The following CTNND2 variants were observed in gnomAD, a reference collection of about 807,000 sequenced individuals.
CTNND2 encodes the protein catenin delta-2.
Under a neutral mutation model 144.4 loss-of-function variants are expected in CTNND2, and 22 were observed. That is an observed-to-expected ratio of 0.15 (90% confidence interval 0.11 to 0.22). The LOEUF is 0.22. CTNND2 is among the 10% of genes least tolerant of loss of function. CTNND2 has a pLI of 1.00. For synonymous variants in CTNND2, 751 were observed against 695.6 expected (o/e 1.08, Z -1.25); for missense variants, 1,353 against 1,618.8 (o/e 0.84, Z 2.82).
At chr5:11,825,229 C>T (rs4590180) in intron 1 of CTNND2, among the ~76,000 whole-genome samples, 26,400 of 151,770 alleles carry the variant, frequency 0.17, 5,442 homozygotes, top group African/African-American at 0.5. Context: ...GGAACACGCA[C>T]AAAGTGATGG....
chr5:11,426,483 C>G (rs1288374070), intron 3 of CTNND2, among the ~76,000 whole-genome samples: 3 of 152,196 alleles, frequency 2.0e-5, no homozygotes, highest in Admixed American at 6.5e-5. Context: ...CGAGTGAAAT[C>G]TGACAGGTCA....
At chr5:11,584,418 T>G (rs1471814076) in intron 2 of CTNND2, among the ~76,000 whole-genome samples, 4 of 32,742 alleles carry the variant, frequency 1.2e-4, no homozygotes, top group African/African-American at 3.9e-4. Flanking sequence ...TATATATATA[T>G]TTTTTTTGGG....
At chr5:11,435,133 A>ATTT (rs1464378404) in intron 3 of CTNND2, among the ~76,000 whole-genome samples, 10 of 150,084 alleles carry the variant, frequency 6.7e-5, no homozygotes, top group African/African-American at 2.4e-4. Flanking sequence ...TTATTTATTT[A>ATTT]TTTATTTATT....
chr5:11,198,005 G>C (rs750773713), intron 11 of CTNND2, among the ~76,000 whole-genome samples: 1 of 152,186 alleles, frequency 6.6e-6, no homozygotes, highest in African/African-American at 2.4e-5. Context: ...TCATGTATCT[G>C]TTGGTGGAGT....
chr5:11,337,857 C>T (rs1753879642), intron 9 of CTNND2, among the ~76,000 whole-genome samples: 1 of 152,036 alleles, frequency 6.6e-6, no homozygotes, highest in African/African-American at 2.4e-5. Flanking sequence ...CTCCAATAAG[C>T]TTATTTTGTA....
At chr5:11,001,742 T>A (rs1452181203) in intron 18 of CTNND2, among the ~76,000 whole-genome samples, 1 of 152,216 alleles carries the variant, frequency 6.6e-6, no homozygotes, top group Non-Finnish European at 1.5e-5. Flanking sequence ...CTAAAGGTAG[T>A]GTTAGCTTAG....
chr5:11,328,776 T>C (rs1752792062), intron 9 of CTNND2, among the ~76,000 whole-genome samples: 1 of 152,202 alleles, frequency 6.6e-6, no homozygotes, highest in Admixed American at 6.5e-5. Flanking sequence ...GCTATGGGAA[T>C]TCCCACTGAC....
At chr5:11,094,350 T>C (rs1205918950) in intron 15 of CTNND2, among the ~76,000 whole-genome samples, 5 of 152,122 alleles carry the variant, frequency 3.3e-5, no homozygotes, top group African/African-American at 7.2e-5. Flanking sequence ...CATTAAATGG[T>C]CTCTGACAGT....
chr5:11,181,649 G>A (rs35701642), intron 11 of CTNND2, among the ~76,000 whole-genome samples: 4,064 of 151,998 alleles, frequency 0.027, 100 homozygotes, highest in Non-Finnish European at 0.036. Context: ...AGGAGGCTCC[G>A]TGTGTATGTG....
intron 9 of CTNND2, among the ~76,000 whole-genome samples, chr5:11,283,813 C>G (rs923356741): frequency 6.7e-6 from 1 of 150,324 alleles, no homozygotes; most frequent in East Asian, 2.0e-4. Flanking sequence ...GTAAATCACA[C>G]GTTAAATTTT....
At chr5:11,902,369 G>A (rs558483694) in intron 1 of CTNND2, among the ~76,000 whole-genome samples, 13 of 152,210 alleles carry the variant, frequency 8.5e-5, no homozygotes, top group Admixed American at 2.0e-4. Flanking sequence ...ATAATGACAG[G>A]TTCACCGCCA....
chr5:11,545,297 G>C (rs1368067209), intron 3 of CTNND2, among the ~76,000 whole-genome samples: 2 of 151,388 alleles, frequency 1.3e-5, no homozygotes, highest in East Asian at 2.0e-4. Flanking sequence ...ACTCCAGCCT[G>C]GGTGACAGTG....
intron 8 of CTNND2, among the ~76,000 whole-genome samples, chr5:11,348,445 A>G (rs1189119936): frequency 2.0e-5 from 3 of 149,214 alleles, no homozygotes; most frequent in African/African-American, 7.3e-5. Flanking sequence ...GGCAAAAAAA[A>G]AAAAAAAAAA....
At chr5:11,678,613 G>A (rs1271910283) in intron 2 of CTNND2, among the ~76,000 whole-genome samples, 2 of 152,118 alleles carry the variant, frequency 1.3e-5, no homozygotes, top group East Asian at 1.9e-4. Flanking sequence ...GCAGGGAACT[G>A]AGCTTAACAT....
intron 2 of CTNND2, among the ~76,000 whole-genome samples, chr5:11,614,161 T>C (rs1435973918): frequency 6.6e-6 from 1 of 152,256 alleles, no homozygotes; most frequent in African/African-American, 2.4e-5. Context: ...AGTACAATTA[T>C]GCTTCTGGTT....
intron 14 of CTNND2, among the ~76,000 whole-genome samples, chr5:11,107,038 T>C (rs1271042902): frequency 6.6e-6 from 1 of 152,172 alleles, no homozygotes; most frequent in Non-Finnish European, 1.5e-5. Flanking sequence ...AGACCGGAGT[T>C]CTACATCAGT....
chr5:11,445,005 T>A (rs924011783), intron 3 of CTNND2, among the ~76,000 whole-genome samples: 1 of 152,150 alleles, frequency 6.6e-6, no homozygotes, highest in African/African-American at 2.4e-5. Flanking sequence ...ACTGCCTCAG[T>A]TTCCTACGGC....
intron 2 of CTNND2, among the ~76,000 whole-genome samples, chr5:11,575,825 T>C (rs528624141): frequency 2.1e-4 from 32 of 152,206 alleles, no homozygotes; most frequent in African/African-American, 7.5e-4. Context: ...GGCTGTCTCT[T>C]CCTCTCTTAA....
intron 1 of CTNND2, among the ~76,000 whole-genome samples, chr5:11,871,236 A>G (rs1388955995): frequency 3.3e-5 from 5 of 152,224 alleles, no homozygotes; most frequent in Admixed American, 1.3e-4. Flanking sequence ...AACTTGTTCT[A>G]GCAGGCACAA....
Sources: gnomAD v4.1 joint callset for allele counts (sites outside exome capture counted in the v4.1 genomes callset) on GRCh38, gnomAD v4.1.1 for gene constraint, MANE v1.5 for transcripts, NCBI Gene and HGNC (gene_info 2026-07-23, HGNC 2026-07-21) for gene names.